P3H2: variants seen among roughly 807,000 people sequenced by gnomAD.
P3H2 encodes the protein leprecan-like 1.
Under a neutral mutation model 87.0 loss-of-function variants are expected in P3H2, and 80 were observed. The ratio of observed to expected loss-of-function variants is 0.92; its 90% confidence interval spans 0.77 to 1.11. The LOEUF (loss-of-function observed/expected upper bound fraction) is 1.11. P3H2 is among the 50% of genes least tolerant of loss of function. The pLI, the probability that P3H2 is intolerant of heterozygous loss-of-function variation, is 0.00. For synonymous variants in P3H2, 367 were observed against 359.3 expected, an observed-to-expected ratio of 1.02 and a Z score of -0.24; for missense variants, 1,001 against 923.9, an observed-to-expected ratio of 1.08 and a Z score of -1.08.
rs1379627830 is a variant in P3H2 at position 189,956,862 on chromosome 3, G to A, written c.*1050C>T. On this transcript the variant is annotated 3_prime_UTR_variant, in exon 15 of 15. Transcript: ENST00000319332. The stretch of plus-strand genomic sequence containing the variant: ...TCAATCAGAAATTTATTTTTCTTAT[G>A]TAAGTACAAAACACCTCTTTTCATC... 8.2e-6 allele frequency: 3 copies of A among 367,678 alleles called. No homozygotes were observed. The highest frequency in any genetic ancestry group is 9.6e-6 in the Non-Finnish European group (2 of 207,576). 22.8% of individuals were successfully genotyped at this position (367,678 alleles called of 1,614,324 possible). A position where few individuals can be genotyped will look rare whatever the true frequency, so the allele number is the denominator to read the frequency against.
rs182009740 is a variant in P3H2, at chr3:190,099,483, G to A, written c.480+20769C>T. Reference sequence around the variant, plus strand: ...ACTAAAGCTTTATATCTTTATAAAGGTTTTATCAGCAGAAACTTCTTGTTT... The same window carrying A: ...ACTAAAGCTTTATATCTTTATAAAGATTTTATCAGCAGAAACTTCTTGTTT... On this transcript the variant is annotated intron_variant, in intron 1 of 14. Coordinates refer to ENST00000319332, the MANE Select transcript of P3H2 (RefSeq NM_018192.4). Among the ~76,000 whole-genome samples, 379 of 152,256 alleles carry A rather than the reference G, an allele frequency of 2.5e-3. 1 individual carries two copies. Among genetic ancestry groups the A allele is most frequent in the African/African-American group, 8.6e-3 (357 of 41,560 alleles).
chr3:190,034,741 C>T lies in P3H2; in HGVS notation c.481-39299G>A, dbSNP rs116298581. Among the ~76,000 whole-genome samples, 573 of 151,992 alleles carry T rather than the reference C, an allele frequency of 3.8e-3. 5 individuals are homozygous for T. Among genetic ancestry groups the T allele is most frequent in the African/African-American group, 0.013 (542 of 41,460 alleles). ...CATGACTGAATTTGTTGATGGGAAT[C>T]GATCTATACATCAAAAATGGGAATT... On this transcript the variant is annotated intron_variant, in intron 1 of 14. Coordinates refer to ENST00000319332, the MANE Select transcript of P3H2 (RefSeq NM_018192.4).
chr3:190,003,953 T>C (rs186132361), intron 1 of P3H2, among the ~76,000 whole-genome samples: 2 of 152,384 alleles, frequency 1.3e-5, no homozygotes, highest in East Asian at 3.9e-4. Flanking sequence ...GTAGTTGTCA[T>C]TAATTTCATA....
chr3:190,111,540 T>TA (rs949382932), intron 1 of P3H2, among the ~76,000 whole-genome samples: 11 of 151,910 alleles, frequency 7.2e-5, no homozygotes, highest in Admixed American at 5.9e-4. Flanking sequence ...ATGCCTTTTT[T>TA]AAAAAAAATC....
chr3:189,995,543 A>C, intron 1 of P3H2, 101 bp from the exon 2 acceptor site: 1 of 1,211,588 alleles, frequency 8.3e-7, no homozygotes, highest in Non-Finnish European at 1.1e-6. Flanking sequence ...TAAGAATGAA[A>C]CTAGGAGCCT....
intron 14 of P3H2, among the ~76,000 whole-genome samples, chr3:189,963,202 CA>C (rs1722867530): frequency 1.3e-5 from 2 of 152,172 alleles, no homozygotes; most frequent in South Asian, 4.1e-4. Flanking sequence ...CACGGGCTTC[CA>C]AAACGATGAG....
chr3:190,068,784 A>G (rs1726598796), intron 1 of P3H2, among the ~76,000 whole-genome samples: 1 of 152,184 alleles, frequency 6.6e-6, no homozygotes, highest in South Asian at 2.1e-4. Context: ...TTGTTGATCT[A>G]CATAATGTGT....
chr3:189,976,459 G>T (rs549702937), intron 8 of P3H2, among the ~76,000 whole-genome samples: 1 of 152,270 alleles, frequency 6.6e-6, no homozygotes, highest in South Asian at 2.1e-4. Context: ...ATCAGATCTT[G>T]TGAGACTTAT....
Position 189,973,918 on chromosome 3 carries a change from T to G in P3H2, c.1539A>C (p.Lys513Asn), listed in dbSNP as rs1245307888. 6 of 1,613,232 alleles carry G rather than the reference T, an allele frequency of 3.7e-6. No homozygotes were observed. The highest frequency in any genetic ancestry group is 5.1e-6 in the Non-Finnish European group (6 of 1,179,286). Residue 513 changes from lysine (K) to asparagine (N), a missense_variant, in exon 10 of 15, where the codon AAA becomes AAC. Physicochemically the swap from Lys to Asn is moderately conservative, Grantham distance 94. Coordinates refer to ENST00000319332, the MANE Select transcript of P3H2 (RefSeq NM_018192.4). ...GAAGTTAAGACTTTACTTTGAGTGC[T>G]TTCAGGACAGTTGCACCTTCAAACT... ...NEKFEGATVL[K>N]ALKSGYEGRV...
intron 1 of P3H2, among the ~76,000 whole-genome samples, chr3:190,101,368 C>CAAAAAAAAAAAAAA (rs34737545): frequency 2.1e-4 from 5 of 23,954 alleles, no homozygotes; most frequent in Non-Finnish European, 2.1e-4. Flanking sequence ...ATCATGAACG[C>CAAAAAAAAAAAAAA]AAAAAAAAAA....
intron 1 of P3H2, among the ~76,000 whole-genome samples, chr3:190,082,272 AAAC>A (rs1727068366): frequency 6.6e-6 from 1 of 152,104 alleles, no homozygotes. Flanking sequence ...AAAACAAAAC[AAAC>A]AACAACAAAA....
Position 190,032,180 on chromosome 3 carries a change from C to G in P3H2, c.481-36738G>C, listed in dbSNP as rs1224875321. 2.0e-5 allele frequency among the ~76,000 whole-genome samples: 3 copies of G among 152,148 alleles called. No homozygotes were observed. In the South Asian group the frequency reaches 6.2e-4, roughly 32 times the overall value. ...TGGATTTTTATAAATTATTTGTTAT[C>G]TCTACAATTCCAGAAATGTTTATGG... is the stretch of plus-strand genomic sequence containing the variant. On this transcript the variant is annotated intron_variant, in intron 1 of 14. Transcript: ENST00000319332.
At chr3:190,062,913 T>C (rs987692601) in intron 1 of P3H2, among the ~76,000 whole-genome samples, 5 of 152,114 alleles carry the variant, frequency 3.3e-5, no homozygotes, top group Admixed American at 3.3e-4. Context: ...AACATCAGAA[T>C]TGGGAGCAAG....
At chr3:190,036,840 T>C (rs951425383) in intron 1 of P3H2, among the ~76,000 whole-genome samples, 8 of 152,104 alleles carry the variant, frequency 5.3e-5, no homozygotes, top group Admixed American at 2.0e-4. Flanking sequence ...CCATGGTACA[T>C]GAGATACTTA....
chr3:190,045,473 C>G (rs1560377073), intron 1 of P3H2, among the ~76,000 whole-genome samples: 1 of 152,106 alleles, frequency 6.6e-6, no homozygotes. Flanking sequence ...TTCCTTCCCC[C>G]CAACCAAATC....
chr3:189,965,532 G>C (rs1722948796), intron 13 of P3H2, among the ~76,000 whole-genome samples: 1 of 152,208 alleles, frequency 6.6e-6, no homozygotes, highest in Non-Finnish European at 1.5e-5. Flanking sequence ...TTCCTAAACA[G>C]CTTTACCAAG....
chr3:189,972,098 G>C, intron 11 of P3H2, 91 bp from the exon 12 acceptor site: 3 of 826,464 alleles, frequency 3.6e-6, no homozygotes, highest in Non-Finnish European at 4.2e-6. Context: ...CAGTCCTGAT[G>C]ATCTTTGCAA....
chr3:190,040,730 T>A (rs1307557339), intron 1 of P3H2, among the ~76,000 whole-genome samples: 1 of 152,062 alleles, frequency 6.6e-6, no homozygotes, highest in Non-Finnish European at 1.5e-5. Flanking sequence ...AGCAGATACA[T>A]TGGATACATT....
Position 190,120,553 on chromosome 3 carries a change from T to C in P3H2, c.179A>G (p.Tyr60Cys). The stretch of plus-strand genomic sequence containing the variant: ...TTCCAAGTCGCGCACCGCTCGCTCG[T>C]AGTCTCCGCTGTAGTAGGCGGCCGC... The part of the protein sequence containing the change: ...SGAAAYYSGD[Y>C]ERAVRDLEAA... The change falls in exon 1 of 15, where the codon TAC becomes TGC. Residue 60 changes from tyrosine (Y) to cysteine (C), a missense_variant. Physicochemically the swap from Tyr to Cys is radical, Grantham distance 194. Transcript: ENST00000319332. 2 of 1,527,948 alleles carry C rather than the reference T, an allele frequency of 1.3e-6. No individual in the cohort carries two copies. Among genetic ancestry groups the C allele is most frequent in the South Asian group, 1.2e-5 (1 of 82,632 alleles). 94.6% of individuals were successfully genotyped at this position (1,527,948 alleles called of 1,614,324 possible).
Sources: gnomAD v4.1 joint callset for allele counts (sites outside exome capture counted in the v4.1 genomes callset) on GRCh38, gnomAD v4.1.1 for gene constraint, MANE v1.5 for transcripts, NCBI Gene and HGNC (gene_info 2026-07-23, HGNC 2026-07-21) for gene names.